The following LPCAT1 variants were observed in gnomAD, a reference collection of about 807,000 sequenced individuals.
LPCAT1 encodes the protein 1-acylglycerol-3-phosphate O-acyltransferase.
In LPCAT1, 23 loss-of-function variants were observed where a neutral mutation model predicts 60.9. The observed-to-expected ratio is 0.38, with a 90% confidence interval of 0.27 to 0.53. LPCAT1 has a LOEUF of 0.53. Ranked by LOEUF, LPCAT1 falls within the 20% of genes least tolerant of loss-of-function variation. The pLI is 0.82. For missense variants in LPCAT1, 622 were observed against 723.6 expected (o/e 0.86, Z 1.61); for synonymous variants, 340 against 301.1 (o/e 1.13, Z -1.34).
chr5:1,462,400 T>A lies in LPCAT1; in HGVS notation c.*1251A>T. ...TCCAGGGCCTGGAAGCCCCTCTGCCTTTGACTCTAAGATGGGGCAGGACCC... is the reference window on the plus strand; with the variant it reads ...TCCAGGGCCTGGAAGCCCCTCTGCCATTGACTCTAAGATGGGGCAGGACCC... On this transcript the variant is annotated 3_prime_UTR_variant, in exon 14 of 14. Transcript: ENST00000283415. The A allele has an allele frequency of 6.6e-6, 1 of 152,512 alleles. No homozygotes were observed. The highest frequency in any genetic ancestry group is 1.5e-5 in the Non-Finnish European group (1 of 68,014). 9.4% of individuals were successfully genotyped at this position (152,512 alleles called of 1,614,324 possible). A position where few individuals can be genotyped will look rare whatever the true frequency, so the allele number is the denominator to read the frequency against.
chr5:1,509,892 G>A (rs938834779), intron 1 of LPCAT1, among the ~76,000 whole-genome samples: 5 of 152,158 alleles, frequency 3.3e-5, no homozygotes, highest in South Asian at 2.1e-4. Flanking sequence ...GGCACGGCCC[G>A]CACCCCAGGC....
rs200038239 is a variant in LPCAT1, at chr5:1,495,334, G to C, written c.279-420C>G. ...CCTAAAACGCATATCGCAATATGGG[G>C]GGGGGGGCGCTCAGAGCTGAGGGCG... On this transcript the variant is annotated intron_variant, in intron 2 of 13. Transcript: ENST00000283415. This position sits in a 1 kb window ranked among gnomAD's most constrained non-coding sequence, Gnocchi z 4.7. Among the ~76,000 whole-genome samples, 41,992 of 151,452 alleles carry C rather than the reference G, an allele frequency of 0.28. 6,660 individuals carry two copies. Among genetic ancestry groups the C allele is most frequent in the East Asian group, 0.46 (2,369 of 5,124 alleles).
intron 3 of LPCAT1, among the ~76,000 whole-genome samples, chr5:1,492,983 G>A (rs539983548): frequency 1.4e-4 from 21 of 152,374 alleles, no homozygotes; most frequent in African/African-American, 4.8e-4. Flanking sequence ...GTGGTTTCCT[G>A]GGTATGCCAG....
intron 3 of LPCAT1, among the ~76,000 whole-genome samples, chr5:1,494,105 G>A (rs561707900): frequency 3.0e-4 from 45 of 151,892 alleles, no homozygotes; most frequent in African/African-American, 9.2e-4. Context: ...GTGAGCCCCC[G>A]GCTTTGGGGA....
At chr5:1,472,071 CAGA>C (rs1249818303) in intron 11 of LPCAT1, among the ~76,000 whole-genome samples, 1 of 29,674 alleles carries the variant, frequency 3.4e-5, no homozygotes, top group African/African-American at 2.0e-4. Context: ...GCACCCGGGG[CAGA>C]AGGACTCCCT....
At position 1,462,436 on chromosome 5, in the gene LPCAT1, T is replaced by C. The variant is rs935612947; in HGVS notation, c.*1215A>G. 2 of 152,352 alleles carry C rather than the reference T, an allele frequency of 1.3e-5. No individual in the cohort carries two copies. Among genetic ancestry groups the C allele is most frequent in the Admixed American group, 6.5e-5 (1 of 15,278 alleles). 9.4% of individuals were successfully genotyped at this position (152,352 alleles called of 1,614,324 possible). ...GATGGGGCAGGACCCCCGCTCTCAG[T>C]GGGATGTGCCCGCGACCCTGGCGCT... On this transcript the variant is annotated 3_prime_UTR_variant, in exon 14 of 14. Coordinates refer to ENST00000283415, the MANE Select transcript of LPCAT1 (RefSeq NM_024830.5).
intron 3 of LPCAT1, among the ~76,000 whole-genome samples, chr5:1,490,995 C>T (rs1408998297): frequency 6.6e-6 from 1 of 151,922 alleles, no homozygotes; most frequent in Non-Finnish European, 1.5e-5. Context: ...GTTTTTATTA[C>T]TTGTAAGGAG....
rs1736704132 is a variant in LPCAT1, at chr5:1,522,403, G to A, written c.135+1307C>T. Among the ~76,000 whole-genome samples the A allele has an allele frequency of 6.6e-6, 1 of 152,186 alleles. No homozygotes were observed. Among genetic ancestry groups the A allele is most frequent in the Non-Finnish European group, 1.5e-5 (1 of 68,012 alleles). On this transcript the variant is annotated intron_variant, in intron 1 of 13. Transcript: ENST00000283415. This position sits in a 1 kb window ranked among gnomAD's most constrained non-coding sequence, Gnocchi z 6.8. ...CAGAGGGCCAGGCAGAGCGGCGGCA[G>A]AGGGGCCGGCACCGCCCCAGCCCCA...
chr5:1,503,825 T>A (rs185764948), intron 1 of LPCAT1, among the ~76,000 whole-genome samples: 177 of 152,032 alleles, frequency 1.2e-3, no homozygotes, highest in African/African-American at 4.0e-3. Flanking sequence ...GCTACCAAGG[T>A]CTCCTCCCAG....
At chr5:1,500,756 C>T (rs1243061423) in intron 2 of LPCAT1, among the ~76,000 whole-genome samples, 1 of 152,244 alleles carries the variant, frequency 6.6e-6, no homozygotes, top group Non-Finnish European at 1.5e-5. Context: ...GCAACCTGTT[C>T]CCACTTAGCC....
chr5:1,473,966 C>T lies in LPCAT1; in HGVS notation c.1170G>A (p.Leu390=), dbSNP rs1417924792. 1.2e-6 allele frequency: 2 copies of T among 1,614,164 alleles called. No individual in the cohort carries two copies. The highest frequency in any genetic ancestry group is 1.1e-5 in the South Asian group (1 of 91,050). ...VSDLLEDMFS[L]FDESGSGEVD... is the part of the protein sequence containing the mutation. The stretch of plus-strand genomic sequence containing the variant: ...AGGCGACAGGCCCTACCTCGTCGAA[C>T]AGTGAAAACATGTCTTCCAGCAAGT... The change falls in exon 11 of 14, where the codon CTG becomes CTA. Residue 390 remains leucine, a synonymous_variant. Transcript: ENST00000283415.
At chr5:1,473,846 CT>C (rs1734787736) in intron 11 of LPCAT1, 110 bp downstream of exon 11, 1 of 1,378,494 alleles carries the variant, frequency 7.3e-7, no homozygotes, top group African/African-American at 1.5e-5. Context: ...GGTTTTCCTT[CT>C]CTGCTTTCAA....
intron 9 of LPCAT1, 123 bp from the exon 10 acceptor site, chr5:1,474,808 A>G: frequency 7.7e-7 from 1 of 1,296,276 alleles, no homozygotes; most frequent in Admixed American, 2.8e-5. Flanking sequence ...GAGACAGGGG[A>G]AGGGCCAGTT....
intron 12 of LPCAT1, 41 bp downstream of exon 12, chr5:1,470,785 G>A (rs2277005): frequency 0.4 from 600,568 of 1,517,324 alleles, 124,798 homozygotes; most frequent in Middle Eastern, 0.48. Context: ...TGACTGCACC[G>A]CCCTGTCCCC....
chr5:1,514,595 C>A (rs1343139295), intron 1 of LPCAT1, among the ~76,000 whole-genome samples: 1 of 152,178 alleles, frequency 6.6e-6, no homozygotes, highest in Admixed American at 6.5e-5. Flanking sequence ...ATTTTAATTC[C>A]GAGGTTGGGA....
chr5:1,481,049 C>G lies in LPCAT1; in HGVS notation c.727-73G>C. ...GCCTGCACCAAGCACCTGCGTGTGC[C>G]GGCCTCTCCCTGCACCTCCCACCCC... On this transcript the variant is annotated intron_variant, in intron 6 of 13. Coordinates refer to ENST00000283415, the MANE Select transcript of LPCAT1 (RefSeq NM_024830.5). The surrounding 1 kb of genome is among the most constrained non-coding windows in gnomAD (Gnocchi z 7.8). 6.4e-7 allele frequency: 1 copy of G among 1,552,206 alleles called. No homozygotes were observed. Among genetic ancestry groups the G allele is most frequent in the Non-Finnish European group, 8.9e-7 (1 of 1,127,568 alleles).
chr5:1,474,073 A>G lies in LPCAT1; in HGVS notation c.1063T>C (p.Tyr355His). Residue 355 changes from tyrosine to histidine, a missense_variant, in exon 11 of 14, where the codon TAC becomes CAC. By Grantham distance (83) the Tyr-to-His change is moderately conservative. This residue lies in a region of LPCAT1 where 288 missense variants were observed against 283.6 expected (regional missense o/e 1.02). Transcript: ENST00000283415. ...PEKLEKDLDR[Y>H]SERARMKGGE... ...CCCTTCATCCTGGCTCTTTCTGAGT[A>G]TCTGTCCAGATCTTTTTCAAGCTTT... The G allele has an allele frequency of 1.2e-6, 2 of 1,613,736 alleles. No individual in the cohort carries two copies. The highest frequency in any genetic ancestry group is 1.7e-6 in the Non-Finnish European group (2 of 1,179,872).
At chr5:1,475,705 G>T (rs1428991182) in intron 9 of LPCAT1, among the ~76,000 whole-genome samples, 1 of 152,214 alleles carries the variant, frequency 6.6e-6, no homozygotes, top group Non-Finnish European at 1.5e-5. Flanking sequence ...CGCTGCCAGG[G>T]TCCCTCTGCT....
At chr5:1,503,565 T>C (rs950963154) in intron 1 of LPCAT1, among the ~76,000 whole-genome samples, 1 of 152,190 alleles carries the variant, frequency 6.6e-6, no homozygotes, top group Non-Finnish European at 1.5e-5. Context: ...AATTGCTAGG[T>C]CTGTTGGCCA....
Sources: allele counts gnomAD v4.1 joint callset (sites outside exome capture counted in the v4.1 genomes callset), GRCh38; gene constraint gnomAD v4.1.1; regional missense constraint gnomAD v4.1.1; non-coding constraint Gnocchi (gnomAD v3.1); transcripts MANE v1.5; gene names NCBI Gene and HGNC (gene_info 2026-07-23, HGNC 2026-07-21).